Variants in ZBTB38 observed in about 807,000 individuals in gnomAD.
ZBTB38 encodes zinc finger and BTB domain-containing protein 38.
A neutral mutation model predicts 76.8 loss-of-function variants in ZBTB38; 20 were observed. The observed-to-expected ratio is 0.26, with a 90% CI of 0.18 to 0.38. The LOEUF is 0.38. Among genes scored for constraint, ZBTB38 ranks in the 10% least tolerant of loss-of-function variants. The probability of loss-of-function intolerance (pLI) is 1.00; values close to 1 mark genes in which losing one functional copy is unlikely to be tolerated. For missense variants in ZBTB38, 1,082 were observed against 1,482.3 expected (o/e 0.73, Z 4.43); for synonymous variants, 504 against 544.2 (o/e 0.93, Z 1.03).
Position 141,448,497 on chromosome 3 carries a change from A to G in ZBTB38, c.*2521A>G, listed in dbSNP as rs537450775. The G allele has an allele frequency of 3.9e-5, 6 of 152,718 alleles. No individual in the cohort carries two copies. The highest frequency in any genetic ancestry group is 1.4e-4 in the African/African-American group (6 of 41,562). 9.5% of individuals were successfully genotyped at this position (152,718 alleles called of 1,614,324 possible). A position where few individuals can be genotyped will look rare whatever the true frequency, so the allele number is the denominator to read the frequency against. On this transcript the variant is annotated 3_prime_UTR_variant, in exon 6 of 6. Transcript: ENST00000321464. ...TGATGTTTAAGTATGCATTGAGTAC[A>G]TGACCAACTAGAATTAAAGTAAGTG...
intron 4 of ZBTB38, among the ~76,000 whole-genome samples, chr3:141,396,074 G>A (rs1302837167): frequency 6.6e-6 from 1 of 152,166 alleles, no homozygotes; most frequent in Non-Finnish European, 1.5e-5. Context: ...TAAAACAACA[G>A]TGAAGTTTAC....
upstream of ZBTB38, among the ~76,000 whole-genome samples, chr3:141,365,016 C>T (rs759800997): frequency 1.3e-4 from 20 of 152,098 alleles, no homozygotes; most frequent in Admixed American, 2.0e-4. Context: ...TACGATATCA[C>T]TCAGCAATCC....
At chr3:141,377,777 G>T (rs564978066) in intron 2 of ZBTB38, among the ~76,000 whole-genome samples, 1 of 152,124 alleles carries the variant, frequency 6.6e-6, no homozygotes, top group South Asian at 2.1e-4. Context: ...CAATAAAAAG[G>T]CATGTGCTCT....
intron 1 of ZBTB38, among the ~76,000 whole-genome samples, chr3:141,356,479 C>G (rs1322794288): frequency 6.6e-6 from 1 of 152,086 alleles, no homozygotes; most frequent in Non-Finnish European, 1.5e-5. Context: ...TCAGGGGAAG[C>G]CTCGGTATTT....
Position 141,444,127 on chromosome 3 carries a change from G to C in ZBTB38, c.1739G>C (p.Ser580Thr), listed in dbSNP as rs769217827. 1.9e-6 allele frequency: 3 copies of C among 1,613,784 alleles called. No homozygotes were observed. Among genetic ancestry groups the C allele is most frequent in the African/African-American group, 1.3e-5 (1 of 74,864 alleles). Reference protein sequence around the residue: ...PMKCKRAPYKSYRNSSYENAR... With the variant: ...PMKCKRAPYKTYRNSSYENAR... ...AAATGCAAGAGAGCCCCTTATAAGA[G>C]CTACCGAAATTCTTCCTATGAAAAT... The change falls in exon 6 of 6, where the codon AGC (serine) becomes ACC (threonine). Residue 580 changes from serine to threonine, a missense_variant. By Grantham distance (58) the Ser-to-Thr change is moderately conservative. Transcript: ENST00000321464. This position sits in a 1 kb window ranked among gnomAD's most constrained non-coding sequence, Gnocchi z 5.1.
intron 1 of ZBTB38, among the ~76,000 whole-genome samples, chr3:141,361,083 T>G (rs1227714031): frequency 6.6e-6 from 1 of 152,154 alleles, no homozygotes; most frequent in Non-Finnish European, 1.5e-5. Flanking sequence ...TCAGGGAACT[T>G]TGTTTTCCTC....
At chr3:141,341,279 A>T (rs76331657) in intron 1 of ZBTB38, among the ~76,000 whole-genome samples, 2 of 152,260 alleles carry the variant, frequency 1.3e-5, no homozygotes, top group African/African-American at 4.8e-5. Context: ...AAGTTATCAC[A>T]TGACTCAGCA....
rs1372869247 is a variant in ZBTB38, at chr3:141,445,610, A to T, written c.3222A>T (p.Ala1074=). Residue 1074 remains alanine, a synonymous_variant, in exon 6 of 6, where the codon GCA becomes GCT. Coordinates refer to ENST00000321464, the MANE Select transcript of ZBTB38 (RefSeq NM_001376113.1). The surrounding 1 kb of genome is among the most constrained non-coding windows in gnomAD (Gnocchi z 6.5). ...KEFVCQYCNK[A]FTLNETLKIH... ...TCGTCTGTCAGTATTGCAACAAGGC[A>T]TTCACCTTGAATGAGACCCTCAAAA... is the stretch of plus-strand genomic sequence containing the variant. 1 of 1,614,250 alleles carries T rather than the reference A, an allele frequency of 6.2e-7. No individual in the cohort carries two copies. The highest frequency in any genetic ancestry group is 8.5e-7 in the Non-Finnish European group (1 of 1,180,038).
chr3:141,418,864 TA>T (rs1183485223), intron 5 of ZBTB38, among the ~76,000 whole-genome samples: 5 of 152,330 alleles, frequency 3.3e-5, no homozygotes, highest in East Asian at 1.9e-4. Flanking sequence ...TGTGATCAAG[TA>T]AACGCAAGAT....
Position 141,445,056 on chromosome 3 carries a change from G to A in ZBTB38, c.2668G>A (p.Gly890Arg), listed in dbSNP as rs1035766716. 9.3e-6 allele frequency: 15 copies of A among 1,614,166 alleles called. No individual in the cohort carries two copies. The highest frequency in any genetic ancestry group is 2.2e-5 in the East Asian group (1 of 44,874). Reference sequence around the variant, plus strand: ...AGAACCCAGTGGAGACAGCCCACTCGGGCTTTGCCAATCCGAGTGCATGGA... The same window carrying A: ...AGAACCCAGTGGAGACAGCCCACTCAGGCTTTGCCAATCCGAGTGCATGGA... ...DPEPSGDSPLGLCQSECMEMS... is the reference protein window; with the variant it reads ...DPEPSGDSPLRLCQSECMEMS... Residue 890 changes from glycine to arginine, a missense_variant, in exon 6 of 6, where the codon GGG becomes AGG. Coordinates refer to ENST00000321464, the MANE Select transcript of ZBTB38 (RefSeq NM_001376113.1). The surrounding 1 kb of genome is among the most constrained non-coding windows in gnomAD (Gnocchi z 6.5).
chr3:141,416,643 T>G (rs2074115386), intron 5 of ZBTB38, among the ~76,000 whole-genome samples: 1 of 152,224 alleles, frequency 6.6e-6, no homozygotes, highest in Non-Finnish European at 1.5e-5. Flanking sequence ...CCCGTGAGTG[T>G]GACCTAATTT....
At chr3:141,431,341 A>AAAAAATATATATATATATAT in intron 5 of ZBTB38, among the ~76,000 whole-genome samples, 3 of 103,294 alleles carry the variant, frequency 2.9e-5, no homozygotes, top group African/African-American at 1.2e-4. Context: ...AAAAAAAAAA[A>AAAAAATATATATATATATAT]ATATATATAT....
intron 4 of ZBTB38, chr3:141,389,064 GACCC>G (rs1396793047): frequency 6.6e-6 from 1 of 152,096 alleles, no homozygotes; most frequent in Non-Finnish European, 1.5e-5. Flanking sequence ...GGTAGAAAAG[GACCC>G]ACATCCAAGC....
intron 5 of ZBTB38, among the ~76,000 whole-genome samples, chr3:141,405,347 TA>T (rs1181922574): frequency 6.6e-6 from 1 of 152,236 alleles, no homozygotes; most frequent in Non-Finnish European, 1.5e-5. Flanking sequence ...TAAAATGTCT[TA>T]ATATCTTCAG....
At position 141,446,122 on chromosome 3, in the gene ZBTB38, A is replaced by AG; in HGVS notation, c.*148dup. The AG allele has an allele frequency of 1.3e-6, 1 of 798,100 alleles. No homozygotes were observed. The highest frequency in any genetic ancestry group is 1.8e-6 in the Non-Finnish European group (1 of 554,558). 49.4% of individuals were successfully genotyped at this position (798,100 alleles called of 1,614,324 possible). On this transcript the variant is annotated 3_prime_UTR_variant, in exon 6 of 6. Transcript: ENST00000321464. Reference sequence around the variant, plus strand: ...ACTCATTTGTGAAAATTCCAGAAAAAGGATCCTAATATCTACTTTGGGTTT... The same window carrying AG: ...ACTCATTTGTGAAAATTCCAGAAAAAGGGATCCTAATATCTACTTTGGGTTT...
intron 2 of ZBTB38, among the ~76,000 whole-genome samples, chr3:141,373,293 A>G (rs948063906): frequency 2.0e-5 from 3 of 152,202 alleles, no homozygotes; most frequent in Admixed American, 1.3e-4. Flanking sequence ...TTAATTTCAC[A>G]TGGGAGTAAT....
intron 4 of ZBTB38, among the ~76,000 whole-genome samples, chr3:141,391,704 T>C (rs148393514): frequency 1.4e-4 from 21 of 152,382 alleles, no homozygotes; most frequent in African/African-American, 4.8e-4. Flanking sequence ...ATAAGAATTC[T>C]GGAATTTAAA....
intron 5 of ZBTB38, among the ~76,000 whole-genome samples, chr3:141,415,351 A>G (rs994424061): frequency 1.3e-5 from 2 of 152,118 alleles, no homozygotes; most frequent in Non-Finnish European, 2.9e-5. Context: ...GCCAGGGTGG[A>G]ATCATTCTAG....
intron 5 of ZBTB38, among the ~76,000 whole-genome samples, chr3:141,424,461 A>G (rs552097530): frequency 6.6e-6 from 1 of 152,340 alleles, no homozygotes; most frequent in African/African-American, 2.4e-5. Flanking sequence ...TCCAGGCCAC[A>G]GTGAGCAATG....
Sources: allele counts gnomAD v4.1 joint callset (sites outside exome capture counted in the v4.1 genomes callset), GRCh38; gene constraint gnomAD v4.1.1; non-coding constraint Gnocchi (gnomAD v3.1); transcripts MANE v1.5; gene names NCBI Gene and HGNC (gene_info 2026-07-23, HGNC 2026-07-21).